Variants in QRICH2 observed in about 807,000 individuals in gnomAD.
The protein encoded by QRICH2 is glutamine rich 2.
Under a neutral mutation model 168.3 loss-of-function variants are expected in QRICH2, and 119 were observed. That is an observed-to-expected ratio of 0.71 (90% confidence interval 0.61 to 0.82). QRICH2 has a LOEUF of 0.82. Among genes scored for constraint, QRICH2 ranks in the 40% least tolerant of loss-of-function variants. The probability of loss-of-function intolerance (pLI) is 0.00; values close to 1 mark genes in which losing one functional copy is unlikely to be tolerated. For missense variants in QRICH2, 2,241 were observed against 2,491.6 expected (o/e 0.90, Z 2.14); for synonymous variants, 894 against 951.2 (o/e 0.94, Z 1.11).
rs2071047289 is a variant in QRICH2 at position 76,293,323 on chromosome 17, G to C, written c.1404C>G (p.Val468=). The C allele has an allele frequency of 1.2e-6, 2 of 1,614,090 alleles. No individual in the cohort carries two copies. The highest frequency in any genetic ancestry group is 4.5e-5 in the East Asian group (2 of 44,890). ...PSTDQHGLVS[V]SAYQHGMTFP... is the part of the protein sequence containing the mutation. ...ATGTCATACCATGCTGATATGCACTGACTGAAACCAGACCATGTTGGTCTG... is the reference window on the plus strand; with the variant it reads ...ATGTCATACCATGCTGATATGCACTCACTGAAACCAGACCATGTTGGTCTG... The change falls in exon 4 of 19, where the codon GTC becomes GTG. Residue 468 remains valine (V), a synonymous_variant. Coordinates refer to ENST00000680821, the MANE Select transcript of QRICH2 (RefSeq NM_001388453.1).
chr17:76,303,698 G>A lies in QRICH2; in HGVS notation c.705+717C>T, dbSNP rs549799190. Reference sequence around the variant, plus strand: ...TTCCTGGGCAACACCGTGAAACCCCGTCTCTACTAAAAATACAAAAAGAAA... The same window carrying A: ...TTCCTGGGCAACACCGTGAAACCCCATCTCTACTAAAAATACAAAAAGAAA... On this transcript the variant is annotated intron_variant, in intron 3 of 18. Transcript: ENST00000680821. 1.8e-4 allele frequency among the ~76,000 whole-genome samples: 28 copies of A among 151,800 alleles called. No individual in the cohort carries two copies. The South Asian group carries it at 4.4e-3, about 24-fold the overall frequency.
intron 7 of QRICH2, among the ~76,000 whole-genome samples, chr17:76,284,467 CAAAT>C (rs1371562591): frequency 3.4e-5 from 4 of 117,190 alleles, no homozygotes; most frequent in Non-Finnish European, 4.8e-5. Flanking sequence ...AATAAAATGA[CAAAT>C]AACTCACCTG....
chr17:76,279,102 G>A lies in QRICH2; in HGVS notation c.4855C>T (p.His1619Tyr), dbSNP rs763386856. The A allele has an allele frequency of 6.2e-7, 1 of 1,613,808 alleles. No individual in the cohort carries two copies. The highest frequency in any genetic ancestry group is 1.1e-5 in the South Asian group (1 of 91,066). Residue 1619 changes from histidine to tyrosine, a missense_variant, in exon 14 of 19, where the codon CAC (histidine) becomes TAC (tyrosine). Around this residue, in one of 3 missense-constraint regions of QRICH2, gnomAD observed 2,047 missense variants for 2,303.8 expected, o/e 0.89. Transcript: ENST00000680821. Reference sequence around the variant, plus strand: ...ACCGTGTAGGGGCGGATGGAATGGTGCCCAGGTAGGCCTGGACCCGCGGGG... The same window carrying A: ...ACCGTGTAGGGGCGGATGGAATGGTACCCAGGTAGGCCTGGACCCGCGGGG... ...VTPAGPGLPG[H>Y]HSIRPYTVFE...
At position 76,279,078 on chromosome 17, in the gene QRICH2, C is replaced by T. The variant is rs377504652; in HGVS notation, c.4879G>A (p.Val1627Met). ...PGHHSIRPYT[V>M]FELEQVRQHS... is the part of the protein sequence containing the mutation. ...TGCCGGACCTGCTCCAGTTCAAACA[C>T]CGTGTAGGGGCGGATGGAATGGTGC... The change falls in exon 14 of 19, where the codon GTG (valine) becomes ATG (methionine). Residue 1627 changes from valine (V) to methionine (M), a missense_variant. Transcript: ENST00000680821. The T allele has an allele frequency of 1.9e-6, 3 of 1,613,908 alleles. No individual in the cohort carries two copies. The highest frequency in any genetic ancestry group is 2.7e-5 in the African/African-American group (2 of 74,948).
rs755245106 is a variant in QRICH2, at chr17:76,307,557, GC to G, written c.441del (p.Trp147CysfsTer21). On this transcript the variant is annotated frameshift_variant, in exon 1 of 19. Transcript: ENST00000680821. LOFTEE classifies it high-confidence loss of function. This position sits in a 1 kb window ranked among gnomAD's most constrained non-coding sequence, Gnocchi z 5.3. ...ASGLDLAALE[W>X]PEEQEVGVRA... Reference sequence around the variant, plus strand: ...CGCACGCCCACCTCCTGCTCCTCCGGCCACTCTAGCGCGGCCAGGTCAAGCC... The same window carrying G: ...CGCACGCCCACCTCCTGCTCCTCCGGCACTCTAGCGCGGCCAGGTCAAGCC... The G allele has an allele frequency of 3.2e-6, 5 of 1,585,618 alleles. No individual in the cohort carries two copies. Among genetic ancestry groups the G allele is most frequent in the Non-Finnish European group, 4.3e-6 (5 of 1,166,400 alleles).
chr17:76,280,302 T>A lies in QRICH2; in HGVS notation c.4611A>T (p.Thr1537=). 6.2e-7 allele frequency: 1 copy of A among 1,614,146 alleles called. No individual in the cohort carries two copies. The highest frequency in any genetic ancestry group is 1.1e-5 in the South Asian group (1 of 91,080). ...CCTGCCTCACCTTGTTGTCCATCTC[T>A]GTGAGCAGCCTGTCCAGCATCTTCT... is the stretch of plus-strand genomic sequence containing the variant. ...DWQKMLDRLL[T]EMDNKLDRLE... Residue 1537 remains threonine (T), a synonymous_variant, in exon 11 of 19, where the codon ACA becomes ACT. Transcript: ENST00000680821. The surrounding 1 kb of genome is among the most constrained non-coding windows in gnomAD (Gnocchi z 7.4).
In QRICH2 at chr17:76,293,620, G is replaced by A; in HGVS notation, c.1107C>T (p.Ala369=). The stretch of plus-strand genomic sequence containing the variant: ...CGGGCACACTACTGGGCTGGTCTCT[G>A]GCCAAGGGTAAGTCCTGTTGAACTG... ...PGPVQQDLPL[A]RDQPSSVPAS... is the part of the protein sequence containing the mutation. Residue 369 remains alanine (A), a synonymous_variant, in exon 4 of 19, where the codon GCC becomes GCT. Coordinates refer to ENST00000680821, the MANE Select transcript of QRICH2 (RefSeq NM_001388453.1). 6.2e-7 allele frequency: 1 copy of A among 1,614,168 alleles called. No individual in the cohort carries two copies. Among genetic ancestry groups the A allele is most frequent in the Non-Finnish European group, 8.5e-7 (1 of 1,180,034 alleles).
chr17:76,276,045 A>G, intron 17 of QRICH2, 98 bp from the exon 18 acceptor site: 1 of 1,445,058 alleles, frequency 6.9e-7, no homozygotes, highest in South Asian at 1.2e-5. Flanking sequence ...GCTGCTGGTC[A>G]TGGCCGGCCT....
At chr17:76,294,301 G>C (rs1568121514) in intron 3 of QRICH2, among the ~76,000 whole-genome samples, 1 of 152,096 alleles carries the variant, frequency 6.6e-6, no homozygotes, top group Non-Finnish European at 1.5e-5. Flanking sequence ...GCATGTGTCT[G>C]TAATCTCAGC....
intron 14 of QRICH2, 47 bp downstream of exon 14, chr17:76,278,994 G>C (rs1011377731): frequency 2.7e-6 from 4 of 1,504,314 alleles, no homozygotes; most frequent in Middle Eastern, 1.7e-4. Context: ...CCCATCCAGA[G>C]CCCTGGCCCC....
chr17:76,304,538 GAA>G lies in QRICH2; in HGVS notation c.595-15_595-14del. On this transcript the variant is annotated splice_polypyrimidine_tract_variant and intron_variant, in intron 2 of 18. Coordinates refer to ENST00000680821, the MANE Select transcript of QRICH2 (RefSeq NM_001388453.1). Reference sequence around the variant, plus strand: ...GGCTGACTAGTTCCTGACAGTGACAGAAAAGACACACACATACACCCCTTGAT... The same window carrying G: ...GGCTGACTAGTTCCTGACAGTGACAGAAGACACACACATACACCCCTTGAT... 6.3e-7 allele frequency: 1 copy of G among 1,577,388 alleles called. No individual in the cohort carries two copies. The highest frequency in any genetic ancestry group is 8.7e-7 in the Non-Finnish European group (1 of 1,149,388).
chr17:76,277,263 C>T lies in QRICH2; in HGVS notation c.5165G>A (p.Cys1722Tyr). The T allele has an allele frequency of 1.2e-6, 2 of 1,601,838 alleles. No homozygotes were observed. The highest frequency in any genetic ancestry group is 1.1e-5 in the South Asian group (1 of 89,348). The change falls in exon 16 of 19, where the codon TGC becomes TAC. Residue 1722 changes from cysteine (C) to tyrosine (Y), a missense_variant. Around this residue, in one of 3 missense-constraint regions of QRICH2, gnomAD observed 2,047 missense variants for 2,303.8 expected, o/e 0.89. Coordinates refer to ENST00000680821, the MANE Select transcript of QRICH2 (RefSeq NM_001388453.1). ...DYTYSTVPRR[C>Y]GGSHTLTYPY... ...GTAGGTGAGGGTGTGGCTGCCCCCGCAGCGCCGGGGCACAGTTGAGTAGGT... is the reference window on the plus strand; with the variant it reads ...GTAGGTGAGGGTGTGGCTGCCCCCGTAGCGCCGGGGCACAGTTGAGTAGGT...
chr17:76,291,168 T>C lies in QRICH2; in HGVS notation c.3559A>G (p.Ser1187Gly). 6.2e-7 allele frequency: 1 copy of C among 1,614,184 alleles called. No homozygotes were observed. Among genetic ancestry groups the C allele is most frequent in the Middle Eastern group, 1.7e-4 (1 of 6,060 alleles). Residue 1187 changes from serine (S) to glycine (G), a missense_variant, in exon 4 of 19, where the codon AGT becomes GGT. Physicochemically the swap from Ser to Gly is moderately conservative, Grantham distance 56. This residue lies in a region of QRICH2 where 2,047 missense variants were observed against 2,303.8 expected (regional missense o/e 0.89). Transcript: ENST00000680821. Reference protein sequence around the residue: ...SERRNSLRRMSSSFPTAVETF... With the variant: ...SERRNSLRRMGSSFPTAVETF... ...TCCACTGCCGTGGGGAAACTAGAACTCATTCTACGCAGTGAATTGCGTCGC... is the reference window on the plus strand; with the variant it reads ...TCCACTGCCGTGGGGAAACTAGAACCCATTCTACGCAGTGAATTGCGTCGC...
chr17:76,275,705 C>T (rs533340995), intron 18 of QRICH2, 114 bp downstream of exon 18: 18 of 1,346,892 alleles, frequency 1.3e-5, no homozygotes, highest in East Asian at 1.2e-4. Flanking sequence ...TCCCCCCCTT[C>T]GGCTCCCAGG....
At chr17:76,277,875 A>G in intron 15 of QRICH2, 114 bp downstream of exon 15, 2 of 1,132,228 alleles carry the variant, frequency 1.8e-6, no homozygotes, top group Non-Finnish European at 2.6e-6. Flanking sequence ...ACACACACAC[A>G]CTCCCTTTTC....
chr17:76,280,555 C>A lies in QRICH2; in HGVS notation c.4461+99G>T. On this transcript the variant is annotated intron_variant, in intron 10 of 18. Transcript: ENST00000680821. This position sits in a 1 kb window ranked among gnomAD's most constrained non-coding sequence, Gnocchi z 7.4. Reference sequence around the variant, plus strand: ...TATCACCAGGCAGGTTTCTGAGAGCCCACACTCGTCTCGCCAGCTCCCCTC... The same window carrying A: ...TATCACCAGGCAGGTTTCTGAGAGCACACACTCGTCTCGCCAGCTCCCCTC... 6.3e-7 allele frequency: 1 copy of A among 1,593,978 alleles called. No homozygotes were observed.
chr17:76,296,025 C>A (rs1158889565), intron 3 of QRICH2, among the ~76,000 whole-genome samples: 1 of 152,158 alleles, frequency 6.6e-6, no homozygotes, highest in Non-Finnish European at 1.5e-5. Flanking sequence ...GAGTTCAAGA[C>A]CAGCCTGACC....
intron 7 of QRICH2, among the ~76,000 whole-genome samples, chr17:76,282,707 C>T (rs2070812241): frequency 6.6e-6 from 1 of 152,232 alleles, no homozygotes; most frequent in Non-Finnish European, 1.5e-5. Flanking sequence ...CTGCATCCCG[C>T]AGGCCCCATT....
Position 76,291,821 on chromosome 17 carries a change from T to A in QRICH2, c.2906A>T (p.Tyr969Phe). 1.2e-6 allele frequency: 2 copies of A among 1,613,838 alleles called. No individual in the cohort carries two copies. Among genetic ancestry groups the A allele is most frequent in the Non-Finnish European group, 1.7e-6 (2 of 1,179,916 alleles). The change falls in exon 4 of 19, where the codon TAT (tyrosine) becomes TTT (phenylalanine). Residue 969 changes from tyrosine to phenylalanine, a missense_variant. Around this residue, in one of 3 missense-constraint regions of QRICH2, gnomAD observed 2,047 missense variants for 2,303.8 expected, o/e 0.89. Transcript: ENST00000680821. ...RGLVQPGMDQ[Y>F]GLRQPGAYQP... ...ATATGCACCAGGTTGTCTCAAACCA[T>A]ACTGATCCATTCCTGGCTGCACCAG...
Sources: allele counts gnomAD v4.1 joint callset (sites outside exome capture counted in the v4.1 genomes callset), GRCh38; gene constraint gnomAD v4.1.1; regional missense constraint gnomAD v4.1.1; non-coding constraint Gnocchi (gnomAD v3.1); transcripts MANE v1.5; gene names NCBI Gene and HGNC (gene_info 2026-07-23, HGNC 2026-07-21).